The following AP2B1 variants were observed in gnomAD, a reference collection of about 807,000 sequenced individuals.
AP2B1 encodes the protein AP-2 complex subunit beta.
AP2B1 carries 23 observed loss-of-function variants against 102.0 expected under a neutral mutation model. The observed-to-expected ratio is 0.23, with a 90% CI of 0.16 to 0.32. AP2B1 has a LOEUF of 0.32. AP2B1 is among the 10% of genes least tolerant of loss of function. The probability of loss-of-function intolerance (pLI) is 1.00; values close to 1 mark genes in which losing one functional copy is unlikely to be tolerated. For missense variants in AP2B1, 541 were observed against 1,157.4 expected (o/e 0.47, Z 7.73); for synonymous variants, 381 against 421.2 (o/e 0.90, Z 1.17).
At chr17:35,615,457 G>A (rs943468527) in intron 5 of AP2B1, among the ~76,000 whole-genome samples, 1 of 152,072 alleles carries the variant, frequency 6.6e-6, no homozygotes, top group African/African-American at 2.4e-5. Flanking sequence ...GTGATTTGTT[G>A]TCAACCTAAG....
At chr17:35,631,391 G>C (rs898839465) in intron 9 of AP2B1, among the ~76,000 whole-genome samples, 1 of 152,032 alleles carries the variant, frequency 6.6e-6, no homozygotes, top group Non-Finnish European at 1.5e-5. Context: ...CAAAAAATGG[G>C]GTACCCCGCT....
chr17:35,616,632 A>G (rs1032373790), intron 5 of AP2B1, among the ~76,000 whole-genome samples: 3 of 152,228 alleles, frequency 2.0e-5, no homozygotes, highest in African/African-American at 7.2e-5. Flanking sequence ...GGATGTTACT[A>G]TTAACCAAAG....
chr17:35,640,857 C>T (rs950647401), intron 11 of AP2B1, among the ~76,000 whole-genome samples: 4 of 152,178 alleles, frequency 2.6e-5, no homozygotes, highest in African/African-American at 9.7e-5. Flanking sequence ...TGGCTCATTA[C>T]AGCAGGGATT....
intron 1 of AP2B1, among the ~76,000 whole-genome samples, chr17:35,589,169 C>T (rs1291543701): frequency 1.3e-5 from 2 of 152,166 alleles, no homozygotes; most frequent in Non-Finnish European, 2.9e-5. Flanking sequence ...GCTTTTGTGT[C>T]TCATAATTTC....
At chr17:35,659,723 T>A in intron 14 of AP2B1, 1 of 834,304 alleles carries the variant, frequency 1.2e-6, no homozygotes, top group Non-Finnish European at 1.4e-6. Flanking sequence ...TTTTAACATT[T>A]CCTGACTTTG....
intron 18 of AP2B1, among the ~76,000 whole-genome samples, chr17:35,696,617 A>G (rs1055256030): frequency 9.2e-5 from 14 of 151,798 alleles, no homozygotes; most frequent in Admixed American, 2.0e-4. Context: ...TCGAACAACT[A>G]ACCTCAAGTG....
At position 35,722,001 on chromosome 17, in the gene AP2B1, G is replaced by A. The variant is rs587710144; in HGVS notation, c.2782-1624G>A. Among the ~76,000 whole-genome samples the A allele has an allele frequency of 1.4e-4, 22 of 152,270 alleles. No individual in the cohort carries two copies. The South Asian group carries it at 4.4e-3, about 30-fold the overall frequency. On this transcript the variant is annotated intron_variant, in intron 21 of 21. Transcript: ENST00000610402. ...CATGCCTGTAATCCCAGCATTTTGG[G>A]AGGCCGAGGTGGGTGGATCACCTGA... is the stretch of plus-strand genomic sequence containing the variant.
rs954757513 is a variant in AP2B1, at chr17:35,724,971, T to G, written c.*1272T>G. On this transcript the variant is annotated 3_prime_UTR_variant, in exon 22 of 22. Transcript: ENST00000610402. ...CCATATGCCCCTGGAGCCCCACTTATTGAGGCCAGCAGAATAGGTGCAGAG... is the reference window on the plus strand; with the variant it reads ...CCATATGCCCCTGGAGCCCCACTTAGTGAGGCCAGCAGAATAGGTGCAGAG... 1 of 152,212 alleles carries G rather than the reference T, an allele frequency of 6.6e-6. No homozygotes were observed. Among genetic ancestry groups the G allele is most frequent in the Non-Finnish European group, 1.5e-5 (1 of 68,046 alleles). 9.4% of individuals were successfully genotyped at this position (152,212 alleles called of 1,614,324 possible).
chr17:35,592,387 CTG>C lies in AP2B1; in HGVS notation c.-23-1619_-23-1618del, dbSNP rs779568356. Among the ~76,000 whole-genome samples the C allele has an allele frequency of 1.8e-3, 273 of 152,150 alleles. 3 individuals are homozygous for C. Among genetic ancestry groups the C allele is most frequent in the Non-Finnish European group, 2.7e-3 (184 of 67,994 alleles). ...TTTTTTTCCCCTTGAGACAAGGTCT[CTG>C]TCGCTGAGGCTGGAGTGCAGTGGTG... On this transcript the variant is annotated intron_variant, in intron 1 of 21. Coordinates refer to ENST00000610402, the MANE Select transcript of AP2B1 (RefSeq NM_001030006.2).
chr17:35,618,011 T>C (rs2074072780), intron 5 of AP2B1, among the ~76,000 whole-genome samples: 2 of 152,190 alleles, frequency 1.3e-5, no homozygotes, highest in South Asian at 4.1e-4. Context: ...AGACTTTCTT[T>C]TCATAATGAG....
intron 9 of AP2B1, among the ~76,000 whole-genome samples, chr17:35,629,570 T>G (rs1241770574): frequency 6.6e-6 from 1 of 152,256 alleles, no homozygotes; most frequent in African/African-American, 2.4e-5. Context: ...TTGAATTTAA[T>G]TATCGGATAT....
chr17:35,697,691 G>A (rs2076166482), intron 18 of AP2B1, among the ~76,000 whole-genome samples: 1 of 152,212 alleles, frequency 6.6e-6, no homozygotes, highest in African/African-American at 2.4e-5. Flanking sequence ...TGCTGGGCAC[G>A]GTGGCTCACG....
intron 1 of AP2B1, among the ~76,000 whole-genome samples, chr17:35,592,473 C>G (rs2073131153): frequency 6.6e-6 from 1 of 152,126 alleles, no homozygotes; most frequent in Non-Finnish European, 1.5e-5. Context: ...ACACCTCAGC[C>G]TCCCAAGTAG....
chr17:35,692,177 C>G (rs1192383573), intron 18 of AP2B1, among the ~76,000 whole-genome samples: 1 of 152,162 alleles, frequency 6.6e-6, no homozygotes, highest in African/African-American at 2.4e-5. Context: ...GAAATCTGTC[C>G]TCAAAGTCAG....
intron 19 of AP2B1, 98 bp from the exon 20 acceptor site, chr17:35,710,136 A>G (rs1264176316): frequency 9.7e-6 from 8 of 825,374 alleles, no homozygotes; most frequent in African/African-American, 1.7e-5. Flanking sequence ...CTGTATTGCA[A>G]GAGCCAGCAT....
chr17:35,655,068 A>G (rs1038471255), intron 13 of AP2B1, among the ~76,000 whole-genome samples: 5 of 152,128 alleles, frequency 3.3e-5, no homozygotes, highest in Non-Finnish European at 7.3e-5. Flanking sequence ...GGTGTTTATT[A>G]TATTGTTTAT....
chr17:35,589,403 T>G (rs2073010416), intron 1 of AP2B1, among the ~76,000 whole-genome samples: 1 of 152,238 alleles, frequency 6.6e-6, no homozygotes, highest in African/African-American at 2.4e-5. Context: ...CAAACTAATT[T>G]AGCTTCCCAG....
intron 4 of AP2B1, among the ~76,000 whole-genome samples, chr17:35,606,432 G>A (rs2073678110): frequency 6.6e-6 from 1 of 151,858 alleles, no homozygotes; most frequent in African/African-American, 2.4e-5. Flanking sequence ...TAGAGACAGG[G>A]TTTCACCATG....
At chr17:35,599,120 G>C (rs2073391002) in intron 3 of AP2B1, among the ~76,000 whole-genome samples, 1 of 152,204 alleles carries the variant, frequency 6.6e-6, no homozygotes, top group South Asian at 2.1e-4. Context: ...ATTAAAACTT[G>C]AACCTTTTTA....
Sources: allele counts gnomAD v4.1 joint callset (sites outside exome capture counted in the v4.1 genomes callset), GRCh38; gene constraint gnomAD v4.1.1; transcripts MANE v1.5; gene names NCBI Gene and HGNC (gene_info 2026-07-23, HGNC 2026-07-21).